Variants in UNC5D observed in about 807,000 individuals in gnomAD.
UNC5D encodes unc-5 netrin receptor D, also known as netrin receptor UNC5D.
UNC5D carries 39 observed loss-of-function variants against 105.4 expected under a neutral mutation model. That is an observed-to-expected ratio of 0.37 (90% confidence interval 0.29 to 0.48). The LOEUF (loss-of-function observed/expected upper bound fraction) is 0.48, where lower values mean the gene tolerates loss of function less well. UNC5D is among the 20% of genes least tolerant of loss of function. UNC5D has a pLI of 0.98. For synonymous variants in UNC5D, 452 were observed against 450.4 expected, an observed-to-expected ratio of 1.00 and a Z score of -0.04; for missense variants, 991 against 1,202.4, an observed-to-expected ratio of 0.82 and a Z score of 2.60.
At chr8:35,631,638 C>T (rs554343519) in intron 4 of UNC5D, among the ~76,000 whole-genome samples, 54 of 152,222 alleles carry the variant, frequency 3.5e-4, no homozygotes, top group African/African-American at 1.2e-3. Flanking sequence ...GCAAGTAGTC[C>T]GAACAGAGTA....
rs114126803 is a variant in UNC5D at position 35,702,489 on chromosome 8, G to A, written c.1085-3440G>A. On this transcript the variant is annotated intron_variant, in intron 7 of 16. Coordinates refer to ENST00000404895, the MANE Select transcript of UNC5D (RefSeq NM_080872.4). ...CACCACCAAGAACCATGGCCCTAAT[G>A]GATTAATTTACTAAGGGTCATTTTA... Among the ~76,000 whole-genome samples, 361 of 151,918 alleles carry A rather than the reference G, an allele frequency of 2.4e-3. 1 individual carries two copies. The highest frequency in any genetic ancestry group is 8.1e-3 in the African/African-American group (336 of 41,418).
intron 1 of UNC5D, among the ~76,000 whole-genome samples, chr8:35,483,097 C>G (rs1319613813): frequency 6.6e-6 from 1 of 151,990 alleles, no homozygotes; most frequent in Non-Finnish European, 1.5e-5. Context: ...GCCACTGCAC[C>G]TGGCCCCATT....
At chr8:35,719,011 G>A (rs993740398) in intron 8 of UNC5D, among the ~76,000 whole-genome samples, 2 of 152,222 alleles carry the variant, frequency 1.3e-5, no homozygotes, top group South Asian at 2.1e-4. Flanking sequence ...TGCACCTTGC[G>A]GTCCTGTGGC....
At chr8:35,542,270 C>T (rs538968243) in intron 1 of UNC5D, among the ~76,000 whole-genome samples, 5 of 152,198 alleles carry the variant, frequency 3.3e-5, no homozygotes, top group Admixed American at 6.5e-5. Context: ...AAATGCATCC[C>T]GTATCTAATT....
chr8:35,774,548 A>T, intron 16 of UNC5D, 71 bp downstream of exon 16: 1 of 1,554,066 alleles, frequency 6.4e-7, no homozygotes. Flanking sequence ...GCTAAGTGAA[A>T]CCATGTAGTT....
chr8:35,752,687 A>G (rs1248273283), intron 13 of UNC5D, among the ~76,000 whole-genome samples: 1 of 152,218 alleles, frequency 6.6e-6, no homozygotes, highest in African/African-American at 2.4e-5. Context: ...GAAAATATAT[A>G]ACAGATATTC....
chr8:35,722,975 T>A (rs1828661100), intron 9 of UNC5D, among the ~76,000 whole-genome samples: 1 of 152,150 alleles, frequency 6.6e-6, no homozygotes, highest in South Asian at 2.1e-4. Context: ...AAATCTATCA[T>A]GTCAAACTGT....
intron 1 of UNC5D, among the ~76,000 whole-genome samples, chr8:35,249,017 TTA>T (rs1487796267): frequency 4.3e-4 from 20 of 46,090 alleles, no homozygotes; most frequent in South Asian, 1.5e-3. Flanking sequence ...ATAATATATA[TTA>T]TATATGTTTA....
At chr8:35,554,503 C>T (rs769480365) in intron 2 of UNC5D, among the ~76,000 whole-genome samples, 1 of 152,140 alleles carries the variant, frequency 6.6e-6, no homozygotes, top group Non-Finnish European at 1.5e-5. Flanking sequence ...GAGAAGTAAT[C>T]TCAACCCAGG....
intron 9 of UNC5D, among the ~76,000 whole-genome samples, chr8:35,725,308 A>G (rs1238501042): frequency 5.3e-5 from 8 of 152,154 alleles, no homozygotes; most frequent in Non-Finnish European, 1.0e-4. Flanking sequence ...AAATGAGATT[A>G]CTTCATCACA....
At chr8:35,516,151 T>C (rs1342064774) in intron 1 of UNC5D, among the ~76,000 whole-genome samples, 1 of 152,230 alleles carries the variant, frequency 6.6e-6, no homozygotes, top group East Asian at 1.9e-4. Context: ...AAAAAGGCTT[T>C]CATGATATAT....
chr8:35,727,660 A>G (rs1828948830), intron 10 of UNC5D: 1 of 152,168 alleles, frequency 6.6e-6, no homozygotes, highest in Non-Finnish European at 1.5e-5. Flanking sequence ...CCTCAATGGC[A>G]GCCGTAATTG....
intron 10 of UNC5D, among the ~76,000 whole-genome samples, chr8:35,728,095 A>AAAAATATAT (rs34672872): frequency 3.1e-4 from 34 of 110,352 alleles, no homozygotes; most frequent in East Asian, 1.9e-3. Flanking sequence ...AAAAAAAAAA[A>AAAAATATAT]ATATATATAT....
chr8:35,777,028 G>T (rs1367141497), intron 16 of UNC5D, among the ~76,000 whole-genome samples: 2 of 152,158 alleles, frequency 1.3e-5, no homozygotes, highest in African/African-American at 4.8e-5. Context: ...GGCCAAGGTG[G>T]GCGGATCACG....
chr8:35,708,991 C>T (rs746150829), intron 8 of UNC5D, among the ~76,000 whole-genome samples: 6 of 152,032 alleles, frequency 3.9e-5, no homozygotes, highest in Non-Finnish European at 8.8e-5. Flanking sequence ...ACTTGGAGAG[C>T]CTCCTAGAGC....
chr8:35,719,413 G>A (rs1326873937), intron 8 of UNC5D, among the ~76,000 whole-genome samples: 1 of 152,128 alleles, frequency 6.6e-6, no homozygotes, highest in African/African-American at 2.4e-5. Flanking sequence ...CAGGTAGATC[G>A]AAGAGAGAAG....
chr8:35,595,676 A>G lies in UNC5D; in HGVS notation c.570+19A>G, dbSNP rs765779104. On this transcript the variant is annotated intron_variant, in intron 4 of 16. Coordinates refer to ENST00000404895, the MANE Select transcript of UNC5D (RefSeq NM_080872.4). ...TGCCGAGGTAAGACAGGATCCTGGGACCAGTCACCGGGAGGAACCAGGCCT... is the reference window on the plus strand; with the variant it reads ...TGCCGAGGTAAGACAGGATCCTGGGGCCAGTCACCGGGAGGAACCAGGCCT... 2 of 1,610,944 alleles carry G rather than the reference A, an allele frequency of 1.2e-6. No homozygotes were observed. The highest frequency in any genetic ancestry group is 1.7e-6 in the Non-Finnish European group (2 of 1,177,460).
intron 16 of UNC5D, among the ~76,000 whole-genome samples, chr8:35,785,615 C>T (rs1802708598): frequency 6.6e-6 from 1 of 152,150 alleles, no homozygotes; most frequent in South Asian, 2.1e-4. Context: ...CCCACCTCGG[C>T]CTCCCAAAGT....
chr8:35,755,425 T>G (rs138499437), intron 13 of UNC5D, among the ~76,000 whole-genome samples: 290 of 152,246 alleles, frequency 1.9e-3, no homozygotes, highest in Middle Eastern at 3.4e-3. Flanking sequence ...TTGGGAAATA[T>G]TGTTCACGTA....
Sources: gnomAD v4.1 joint callset for allele counts (sites outside exome capture counted in the v4.1 genomes callset) on GRCh38, gnomAD v4.1.1 for gene constraint, MANE v1.5 for transcripts, NCBI Gene and HGNC (gene_info 2026-07-23, HGNC 2026-07-21) for gene names.